Variants in AASDHPPT observed in about 807,000 individuals in gnomAD.
AASDHPPT encodes the protein L-aminoadipate-semialdehyde dehydrogenase-phosphopantetheinyl transferase.
Under a neutral mutation model 36.4 loss-of-function variants are expected in AASDHPPT, and 23 were observed. That is an observed-to-expected ratio of 0.63 (90% CI 0.45 to 0.89). The LOEUF (loss-of-function observed/expected upper bound fraction) is 0.89, where lower values mean the gene tolerates loss of function less well. Ranked by LOEUF, AASDHPPT falls within the 40% of genes least tolerant of loss-of-function variation. The pLI is 0.00. For synonymous variants in AASDHPPT, 115 were observed against 128.0 expected (o/e 0.90, Z 0.68); for missense variants, 377 against 378.2 (o/e 1.00, Z 0.03).
Position 106,095,888 on chromosome 11 carries a change from AT to A in AASDHPPT, c.766-853del, listed in dbSNP as rs200198170. On this transcript the variant is annotated intron_variant, in intron 5 of 5. Transcript: ENST00000278618. ...CCTTTTGTTTTCATAGAGCTTTATAATTGTTGAAACATTTGCATATTCAGTA... is the reference window on the plus strand; with the variant it reads ...CCTTTTGTTTTCATAGAGCTTTATAATGTTGAAACATTTGCATATTCAGTA... 3.6e-3 allele frequency: 553 copies of A among 152,320 alleles called. 5 individuals are homozygous for A. The highest frequency in any genetic ancestry group is 0.012 in the African/African-American group (505 of 41,566). The allele number at this position is 152,320 out of a possible 1,614,324, so 9.4% of individuals were successfully genotyped here. A position where few individuals can be genotyped will look rare whatever the true frequency, so the allele number is the denominator to read the frequency against.
intron 2 of AASDHPPT, among the ~76,000 whole-genome samples, chr11:106,087,560 A>G (rs1327705776): frequency 6.6e-6 from 1 of 152,126 alleles, no homozygotes; most frequent in Non-Finnish European, 1.5e-5. Flanking sequence ...AGGTAGTTAT[A>G]TGTATATATT....
intron 4 of AASDHPPT, chr11:106,093,614 A>AT: frequency 6.6e-6 from 1 of 152,184 alleles, no homozygotes; most frequent in Non-Finnish European, 1.5e-5. Context: ...GAAGAAGAAG[A>AT]TAAAAAATGA....
intron 5 of AASDHPPT, chr11:106,096,513 G>A: frequency 2.9e-6 from 1 of 339,566 alleles, no homozygotes; most frequent in Admixed American, 4.9e-5. Context: ...AAATACCACA[G>A]GTTTTTGTTA....
intron 5 of AASDHPPT, chr11:106,096,516 T>A (rs1471641506): frequency 8.6e-6 from 3 of 347,138 alleles, no homozygotes; most frequent in African/African-American, 6.4e-5. Context: ...TACCACAGGT[T>A]TTTGTTATAT....
At chr11:106,093,418 CT>C (rs1025010843) in intron 4 of AASDHPPT, 1 of 152,012 alleles carries the variant, frequency 6.6e-6, no homozygotes, top group South Asian at 2.1e-4. Context: ...ATTCCAGTTA[CT>C]TTTTTCTTGT....
In AASDHPPT at chr11:106,090,791, G is replaced by A. The variant is rs576686567; in HGVS notation, c.531+113G>A. ...GTCCAAACAGTGCTTGAAGTAAATG[G>A]GTGATTGCTTGAGAATTTTATGGTT... On this transcript the variant is annotated intron_variant, in intron 3 of 5. Transcript: ENST00000278618. 4.4e-6 allele frequency: 6 copies of A among 1,364,264 alleles called. No individual in the cohort carries two copies. The East Asian group carries it at 1.4e-4, about 31-fold the overall frequency. The allele number at this position is 1,364,264 out of a possible 1,614,324, so 84.5% of individuals were successfully genotyped here. A position where few individuals can be genotyped will look rare whatever the true frequency, so the allele number is the denominator to read the frequency against.
At chr11:106,081,347 A>G (rs1459389860) in intron 2 of AASDHPPT, among the ~76,000 whole-genome samples, 1 of 152,182 alleles carries the variant, frequency 6.6e-6, no homozygotes, top group Non-Finnish European at 1.5e-5. Context: ...CAGATTGTTG[A>G]TCTGATTCCC....
In AASDHPPT at chr11:106,097,436, T is replaced by C. The variant is rs1307033266; in HGVS notation, c.*529T>C. On this transcript the variant is annotated 3_prime_UTR_variant, in exon 6 of 6. Transcript: ENST00000278618. ...TATAGCTAATACAAGTTAGGATGCT[T>C]TTGGCCAGAGGTAACAGTGTCCAAA... The C allele has an allele frequency of 6.5e-6, 1 of 152,698 alleles. No homozygotes were observed. The highest frequency in any genetic ancestry group is 1.5e-5 in the Non-Finnish European group (1 of 68,482). 9.5% of individuals were successfully genotyped at this position (152,698 alleles called of 1,614,324 possible). A position where few individuals can be genotyped will look rare whatever the true frequency, so the allele number is the denominator to read the frequency against.
chr11:106,077,753 G>C lies in AASDHPPT; in HGVS notation c.43G>C (p.Glu15Gln). 6.2e-7 allele frequency: 1 copy of C among 1,614,172 alleles called. No individual in the cohort carries two copies. The highest frequency in any genetic ancestry group is 8.5e-7 in the Non-Finnish European group (1 of 1,180,004). ...ACGGTTCTGCTTGGTGCCATCCATG[G>C]AGGGCGTGCGCTGGGCCTTTTCCTG... Reference protein sequence around the residue: ...AKRFCLVPSMEGVRWAFSCGT... With the variant: ...AKRFCLVPSMQGVRWAFSCGT... Residue 15 changes from glutamate (E) to glutamine (Q), a missense_variant, in exon 1 of 6, where the codon GAG (glutamate) becomes CAG (glutamine). By Grantham distance (29) the Glu-to-Gln change is conservative. Transcript: ENST00000278618.
chr11:106,097,153 A>G lies in AASDHPPT; in HGVS notation c.*246A>G, dbSNP rs1193180433. On this transcript the variant is annotated 3_prime_UTR_variant, in exon 6 of 6. Coordinates refer to ENST00000278618, the MANE Select transcript of AASDHPPT (RefSeq NM_015423.3). ...GGATGGCGGAATCTTAAAGTGATAC[A>G]TGCTAACTGTAGAAAAAAATAGAAA... is the stretch of plus-strand genomic sequence containing the variant. The G allele has an allele frequency of 5.9e-6, 2 of 339,268 alleles. No homozygotes were observed. Among genetic ancestry groups the G allele is most frequent in the Admixed American group, 5.0e-5 (1 of 20,158 alleles). 21.0% of individuals were successfully genotyped at this position (339,268 alleles called of 1,614,324 possible).
chr11:106,089,673 A>G (rs1861234434), intron 2 of AASDHPPT: 1 of 152,004 alleles, frequency 6.6e-6, no homozygotes, highest in South Asian at 2.1e-4. Flanking sequence ...ATGATGGTAG[A>G]AAGTTTGTGC....
At chr11:106,084,869 C>T (rs372405976) in intron 2 of AASDHPPT, among the ~76,000 whole-genome samples, 4 of 151,912 alleles carry the variant, frequency 2.6e-5, no homozygotes, top group South Asian at 2.1e-4. Context: ...CCCGCCTTGG[C>T]CTCCCAAAGT....
chr11:106,091,724 A>G (rs367672425), intron 4 of AASDHPPT: 6 of 321,600 alleles, frequency 1.9e-5, no homozygotes, highest in Non-Finnish European at 3.3e-5. Flanking sequence ...GGAGCTTTGC[A>G]TGTATGAACA....
At chr11:106,088,168 A>T (rs1282817820) in intron 2 of AASDHPPT, among the ~76,000 whole-genome samples, 1 of 152,172 alleles carries the variant, frequency 6.6e-6, no homozygotes, top group Non-Finnish European at 1.5e-5. Flanking sequence ...TTGGCTGTAC[A>T]TAATGAGTTA....
At chr11:106,094,768 A>T (rs1861296175) in intron 5 of AASDHPPT, 114 bp downstream of exon 5, 3 of 721,710 alleles carry the variant, frequency 4.2e-6, no homozygotes, top group Non-Finnish European at 6.6e-6. Context: ...TTTTTTTAAG[A>T]TTATAGATAT....
Position 106,090,758 on chromosome 11 carries a change from C to T in AASDHPPT, c.531+80C>T, listed in dbSNP as rs536950051. On this transcript the variant is annotated intron_variant, in intron 3 of 5. Coordinates refer to ENST00000278618, the MANE Select transcript of AASDHPPT (RefSeq NM_015423.3). ...ACTTAAAATCAGAGTCCTTGGTTAC[C>T]CAGTAGTGTCCAAACAGTGCTTGAA... The T allele has an allele frequency of 2.3e-4, 354 of 1,509,562 alleles. 1 individual carries two copies. Among genetic ancestry groups the T allele is most frequent in the South Asian group, 4.6e-4 (35 of 76,098 alleles). The allele number at this position is 1,509,562 out of a possible 1,614,324, so 93.5% of individuals were successfully genotyped here.
At chr11:106,079,404 A>G (rs1001693312) in intron 1 of AASDHPPT, 63 bp from the exon 2 acceptor site, 1 of 1,381,426 alleles carries the variant, frequency 7.2e-7, no homozygotes. Context: ...GTACTATTGC[A>G]TACAGTGTGC....
rs539310369 is a variant in AASDHPPT, at chr11:106,097,303, T to G, written c.*396T>G. On this transcript the variant is annotated 3_prime_UTR_variant, in exon 6 of 6. Transcript: ENST00000278618. ...TCCATATTGACATATTTGATTTTTTTAAAAACATGGAAACGTACTGTTTTG... is the reference window on the plus strand; with the variant it reads ...TCCATATTGACATATTTGATTTTTTGAAAAACATGGAAACGTACTGTTTTG... The G allele has an allele frequency of 5.8e-6, 1 of 171,126 alleles. No individual in the cohort carries two copies. Among genetic ancestry groups the G allele is most frequent in the East Asian group, 1.9e-4 (1 of 5,396 alleles). 10.6% of individuals were successfully genotyped at this position (171,126 alleles called of 1,614,324 possible).
At chr11:106,087,328 A>G (rs770137136) in intron 2 of AASDHPPT, among the ~76,000 whole-genome samples, 19 of 152,196 alleles carry the variant, frequency 1.2e-4, no homozygotes, top group Non-Finnish European at 2.2e-4. Flanking sequence ...CGGTGTACAT[A>G]CTAACTCATA....
Sources: allele counts gnomAD v4.1 joint callset (sites outside exome capture counted in the v4.1 genomes callset), GRCh38; gene constraint gnomAD v4.1.1; transcripts MANE v1.5; gene names NCBI Gene and HGNC (gene_info 2026-07-23, HGNC 2026-07-21).